TMEM114: variants seen among roughly 807,000 people sequenced by gnomAD.
The protein encoded by TMEM114 is claudin-26.
A neutral mutation model predicts 6.2 loss-of-function variants in TMEM114; 6 were observed. That is an observed-to-expected ratio of 0.97 (90% CI 0.53 to 1.91). The LOEUF is 1.91. Ranked by LOEUF, TMEM114 falls within the 40% of genes most tolerant of loss-of-function variation. TMEM114 has a pLI of 0.01. For synonymous variants in TMEM114, 104 were observed against 73.0 expected (o/e 1.42, Z -2.16); for missense variants, 218 against 158.3 (o/e 1.38, Z -2.02).
chr16:8,550,141 C>A (rs908519631), intron 2 of TMEM114, among the ~76,000 whole-genome samples: 9 of 152,188 alleles, frequency 5.9e-5, no homozygotes, highest in African/African-American at 1.7e-4. Context: ...TCAGCTTCTT[C>A]CACCATCTTC....
chr16:8,547,843 C>A lies in TMEM114; in HGVS notation n.213-10017G>T, dbSNP rs116743739. On this transcript the variant is annotated intron_variant and non_coding_transcript_variant, in intron 2 of 2. Coordinates refer to the TMEM114 transcript ENST00000623677. ...TGAGAGACTCTCATCAGGATACCAACAGGCAAGTTCACAGCTGAGAAACCC... is the reference window on the plus strand; with the variant it reads ...TGAGAGACTCTCATCAGGATACCAAAAGGCAAGTTCACAGCTGAGAAACCC... Among the ~76,000 whole-genome samples, 247 of 152,274 alleles carry A rather than the reference C, an allele frequency of 1.6e-3. 1 individual carries two copies. The highest frequency in any genetic ancestry group is 5.8e-3 in the African/African-American group (239 of 41,546).
chr16:8,575,781 G>C (rs1027426641), intron 2 of TMEM114, among the ~76,000 whole-genome samples: 2 of 152,144 alleles, frequency 1.3e-5, no homozygotes, highest in African/African-American at 4.8e-5. Flanking sequence ...TAATACAAGT[G>C]TTCATTGTTA....
At chr16:8,569,047 G>A (rs1021800458), downstream of TMEM114, among the ~76,000 whole-genome samples, 3 of 152,320 alleles carry the variant, frequency 2.0e-5, no homozygotes, top group Non-Finnish European at 2.9e-5. Context: ...CCCTGGGGGT[G>A]GCATCAGCCC....
intron 2 of TMEM114, among the ~76,000 whole-genome samples, chr16:8,578,426 C>T (rs1902017168): frequency 6.6e-6 from 1 of 152,160 alleles, no homozygotes; most frequent in African/African-American, 2.4e-5. Context: ...CACGTGGCCA[C>T]CTTCTCCCCT....
intron 3 of TMEM114, among the ~76,000 whole-genome samples, chr16:8,570,949 C>T (rs1414862040): frequency 6.6e-6 from 1 of 152,180 alleles, no homozygotes; most frequent in Non-Finnish European, 1.5e-5. Context: ...GAAACTTCTA[C>T]CAGGCAGTGC....
At chr16:8,587,136 A>G (rs1316497280) in intron 2 of TMEM114, among the ~76,000 whole-genome samples, 1 of 151,804 alleles carries the variant, frequency 6.6e-6, no homozygotes, top group African/African-American at 2.4e-5. Context: ...TTTTCTTTTA[A>G]TTTTGCAGAG....
intron 2 of TMEM114, among the ~76,000 whole-genome samples, chr16:8,539,793 T>C (rs2141647670): frequency 6.6e-6 from 1 of 152,224 alleles, no homozygotes; most frequent in Middle Eastern, 3.4e-3. Flanking sequence ...TTTAAAAAAT[T>C]ACAACTCACA....
intron 2 of TMEM114, among the ~76,000 whole-genome samples, chr16:8,555,633 C>T (rs1268058762): frequency 3.3e-5 from 5 of 152,152 alleles, no homozygotes; most frequent in African/African-American, 7.2e-5. Context: ...ATATCTGCTG[C>T]CTATCTCACT....
intron 2 of TMEM114, among the ~76,000 whole-genome samples, chr16:8,553,778 C>G (rs8045826): frequency 0.76 from 114,854 of 152,046 alleles, 44,538 homozygotes; most frequent in African/African-American, 0.93. Flanking sequence ...ACTGCGCCTG[C>G]CCAATCTCAG....
At chr16:8,565,775 C>A (rs949487274), downstream of TMEM114, among the ~76,000 whole-genome samples, 5 of 152,188 alleles carry the variant, frequency 3.3e-5, no homozygotes, top group Non-Finnish European at 7.3e-5. Context: ...ACCTGGGGAA[C>A]TTTGTGAACA....
intron 3 of TMEM114, among the ~76,000 whole-genome samples, chr16:8,571,358 A>G (rs1901727563): frequency 6.6e-6 from 1 of 152,218 alleles, no homozygotes; most frequent in South Asian, 2.1e-4. Context: ...AGGATTTGAT[A>G]TGTGTGTGTA....
chr16:8,541,842 G>A (rs1033969911), intron 2 of TMEM114, among the ~76,000 whole-genome samples: 1 of 152,126 alleles, frequency 6.6e-6, no homozygotes, highest in Non-Finnish European at 1.5e-5. Context: ...ATTCTGCAGG[G>A]CCCAAGAGTT....
At chr16:8,544,311 G>A (rs1227762165) in intron 2 of TMEM114, among the ~76,000 whole-genome samples, 1 of 152,206 alleles carries the variant, frequency 6.6e-6, no homozygotes, top group Non-Finnish European at 1.5e-5. Flanking sequence ...CTCAACAAAT[G>A]TTTGTTGAGC....
downstream of TMEM114, among the ~76,000 whole-genome samples, chr16:8,534,438 G>A (rs1405160157): frequency 6.6e-6 from 1 of 152,132 alleles, no homozygotes; most frequent in Non-Finnish European, 1.5e-5. Context: ...GGAGCAGGTG[G>A]AGGGTGTAGA....
At chr16:8,576,051 G>A (rs1379599586) in intron 2 of TMEM114, among the ~76,000 whole-genome samples, 2 of 152,116 alleles carry the variant, frequency 1.3e-5, no homozygotes, top group East Asian at 3.9e-4. Context: ...TTGGAACTCC[G>A]ACATCAGACG....
At chr16:8,531,367 A>G in the TMEM114 span, among the ~76,000 whole-genome samples, 1 of 152,232 alleles carries the variant, frequency 6.6e-6, no homozygotes, top group African/African-American at 2.4e-5. Flanking sequence ...CACATAACTT[A>G]TCCCATTCCA....
intron 2 of TMEM114, among the ~76,000 whole-genome samples, chr16:8,562,334 G>C (rs1275248473): frequency 6.6e-6 from 1 of 151,420 alleles, no homozygotes; most frequent in African/African-American, 2.4e-5. Flanking sequence ...GGGAGGGAAT[G>C]AGTGAATGAG....
chr16:8,582,862 AC>A (rs1016871992), intron 2 of TMEM114, among the ~76,000 whole-genome samples: 54 of 151,858 alleles, frequency 3.6e-4, no homozygotes, highest in African/African-American at 1.2e-3. Context: ...TCTCAGCACT[AC>A]ACTCCAGCCT....
intron 2 of TMEM114, among the ~76,000 whole-genome samples, chr16:8,548,295 G>A (rs1900735559): frequency 6.6e-6 from 1 of 152,090 alleles, no homozygotes; most frequent in Admixed American, 6.5e-5. Flanking sequence ...TCATTTGAAG[G>A]GTCTGGCAGT....
Sources: gnomAD v4.1 joint callset for allele counts (sites outside exome capture counted in the v4.1 genomes callset) on GRCh38, gnomAD v4.1.1 for gene constraint, MANE v1.5 for transcripts, NCBI Gene and HGNC (gene_info 2026-07-23, HGNC 2026-07-21) for gene names.